The following CR1 variants were observed in gnomAD, a reference collection of about 807,000 sequenced individuals.
CR1 encodes the protein complement C3b/C4b receptor 1 (Knops blood group).
Under a neutral mutation model 187.3 loss-of-function variants are expected in CR1, and 116 were observed. The observed-to-expected ratio is 0.62, with a 90% CI of 0.53 to 0.72. The LOEUF (loss-of-function observed/expected upper bound fraction) is 0.72. CR1 is among the 30% of genes least tolerant of loss of function. The pLI, the probability that CR1 is intolerant of heterozygous loss-of-function variation, is 0.00. For missense variants in CR1, 1,731 were observed against 2,110.7 expected, an observed-to-expected ratio of 0.82 and a Z score of 3.52; for synonymous variants, 576 against 747.1, an observed-to-expected ratio of 0.77 and a Z score of 3.73.
At chr1:207,582,147 A>C in intron 32 of CR1, 144 bp downstream of exon 32, 1 of 498,578 alleles carries the variant, frequency 2.0e-6, no homozygotes, top group Non-Finnish European at 3.6e-6. Flanking sequence ...GATACAAGCA[A>C]TGTTTTGGGG....
In CR1 at chr1:207,588,375, T is replaced by G. The variant is rs374559734; in HGVS notation, c.5711-300T>G. 2.8e-4 allele frequency among the ~76,000 whole-genome samples: 42 copies of G among 152,330 alleles called. 1 individual carries two copies. In the East Asian group the frequency reaches 7.7e-3, roughly 28 times the overall value. On this transcript the variant is annotated intron_variant, in intron 34 of 46. Coordinates refer to ENST00000367049, the MANE Select transcript of CR1 (RefSeq NM_000651.6). ...TAGTAGAGATGGGGTTTTGCCACGTTGGCCAGGCTGGTCTTGAACTCCTGA... is the reference window on the plus strand; with the variant it reads ...TAGTAGAGATGGGGTTTTGCCACGTGGGCCAGGCTGGTCTTGAACTCCTGA...
chr1:207,513,734 T>TCGTC (rs1424825610), intron 4 of CR1, among the ~76,000 whole-genome samples: 35 of 58,260 alleles, frequency 6.0e-4, no homozygotes, highest in Non-Finnish European at 9.8e-4. Flanking sequence ...CTCCCTCCTT[T>TCGTC]CCTCCCTCCC....
chr1:207,629,719 T>C lies in CR1; in HGVS notation c.7353-798T>C, dbSNP rs149132689. On this transcript the variant is annotated intron_variant, in intron 45 of 46. Transcript: ENST00000367049. ...ACATAAAATCTCCAGGTACTGGTAC[T>C]GTTTTATCATTTCATTGATAAAAGA... 3.5e-3 allele frequency among the ~76,000 whole-genome samples: 526 copies of C among 152,332 alleles called. 1 individual carries two copies. The highest frequency in any genetic ancestry group is 5.9e-3 in the Non-Finnish European group (401 of 68,022).
At chr1:207,576,986 C>G (rs1203805598) in intron 28 of CR1, among the ~76,000 whole-genome samples, 6 of 152,200 alleles carry the variant, frequency 3.9e-5, no homozygotes, top group Non-Finnish European at 8.8e-5. Context: ...CACAGTGGCT[C>G]ATGCCTGTAC....
In CR1 at chr1:207,621,958, T is replaced by C. The variant is rs56310124; in HGVS notation, c.7253-15T>C. ...ATGCCAGAGTGATGTTTTGTGACTT[T>C]TGTCTTCCTTTTAGGTACACATGAT... On this transcript the variant is annotated splice_polypyrimidine_tract_variant and intron_variant, in intron 43 of 46. Coordinates refer to ENST00000367049, the MANE Select transcript of CR1 (RefSeq NM_000651.6). The C allele has an allele frequency of 3.1e-6, 5 of 1,593,072 alleles. No individual in the cohort carries two copies. In the African/African-American group the frequency reaches 6.7e-5, roughly 21 times the overall value.
rs540540947 is a variant in CR1, at chr1:207,575,729, T to G, written c.4537+49T>G. ...TTCACCCCACCATTGAATCCTAGAG[T>G]TGTCCTCCTAGAATTACAAAGAATG... On this transcript the variant is annotated intron_variant, in intron 28 of 46. Coordinates refer to ENST00000367049, the MANE Select transcript of CR1 (RefSeq NM_000651.6). 1.9e-6 allele frequency: 3 copies of G among 1,609,918 alleles called. No homozygotes were observed. The South Asian group carries it at 3.3e-5, about 18-fold the overall frequency.
At chr1:207,617,006 G>A (rs749910899) in intron 41 of CR1, among the ~76,000 whole-genome samples, 1 of 152,164 alleles carries the variant, frequency 6.6e-6, no homozygotes, top group Non-Finnish European at 1.5e-5. Context: ...TCCTTCCTAT[G>A]GGGTGAAGAG....
At chr1:207,595,631 C>T (rs867140854) in intron 35 of CR1, among the ~76,000 whole-genome samples, 14 of 151,842 alleles carry the variant, frequency 9.2e-5, no homozygotes, top group Middle Eastern at 3.4e-3. Context: ...ACAGATGCAT[C>T]GTCTTAAATA....
intron 37 of CR1, among the ~76,000 whole-genome samples, chr1:207,611,100 C>A (rs934471845): frequency 1.3e-5 from 2 of 151,800 alleles, no homozygotes; most frequent in Non-Finnish European, 2.9e-5. Flanking sequence ...CCTATCCCCA[C>A]GATTTTGTTC....
intron 40 of CR1, among the ~76,000 whole-genome samples, chr1:207,615,922 A>G (rs1662077244): frequency 6.6e-6 from 1 of 152,238 alleles, no homozygotes; most frequent in Admixed American, 6.5e-5. Flanking sequence ...TCCTAAATTC[A>G]TATCAAACTA....
chr1:207,618,321 A>G (rs1662210474), intron 42 of CR1, 74 bp downstream of exon 42: 1 of 1,356,318 alleles, frequency 7.4e-7, no homozygotes, highest in Admixed American at 2.1e-5. Flanking sequence ...GCTGAGAGAC[A>G]TTGAAATGAG....
chr1:207,611,821 G>A lies in CR1; in HGVS notation c.6440G>A (p.Gly2147Glu), dbSNP rs1661940167. The A allele has an allele frequency of 1.2e-6, 2 of 1,613,980 alleles. No homozygotes were observed. The highest frequency in any genetic ancestry group is 1.3e-5 in the African/African-American group (1 of 75,048). The change falls in exon 38 of 47, where the codon GGA becomes GAA. Residue 2147 changes from glycine to glutamate, a missense_variant. This residue lies in a region of CR1 where 1,312 missense variants were observed against 1,379.6 expected (regional missense o/e 0.95). Transcript: ENST00000367049. ...GAASLHCTPQ[G>E]DWSPEAPRCT... ...GCGTCTCTGCACTGCACGCCCCAGGGAGACTGGAGCCCTGAAGCCCCTAGA... is the reference window on the plus strand; with the variant it reads ...GCGTCTCTGCACTGCACGCCCCAGGAAGACTGGAGCCCTGAAGCCCCTAGA...
At chr1:207,592,788 A>G (rs1297873254) in intron 35 of CR1, among the ~76,000 whole-genome samples, 1 of 152,160 alleles carries the variant, frequency 6.6e-6, no homozygotes, top group African/African-American at 2.4e-5. Context: ...AAGCATTCCT[A>G]TACACCAATA....
intron 41 of CR1, 135 bp downstream of exon 41, chr1:207,616,937 A>G: frequency 7.8e-7 from 1 of 1,276,468 alleles, no homozygotes; most frequent in Non-Finnish European, 1.1e-6. Context: ...CTACCTCCCA[A>G]GTGAATGACA....
At chr1:207,503,613 C>G (rs1189029680) in intron 1 of CR1, among the ~76,000 whole-genome samples, 1 of 152,176 alleles carries the variant, frequency 6.6e-6, no homozygotes, top group East Asian at 1.9e-4. Context: ...CCTCTTGCCT[C>G]CCTTTTATAA....
At chr1:207,568,156 G>T in intron 25 of CR1, 114 bp downstream of exon 25, 1 of 1,573,390 alleles carries the variant, frequency 6.4e-7, no homozygotes, top group South Asian at 1.1e-5. Context: ...TGCCACAATG[G>T]AATGCCAAAC....
At chr1:207,637,316 C>T (rs141206165) in intron 46 of CR1, among the ~76,000 whole-genome samples, 1 of 152,170 alleles carries the variant, frequency 6.6e-6, no homozygotes, top group Non-Finnish European at 1.5e-5. Context: ...TAGAATTGAC[C>T]TCGAGGTGCC....
chr1:207,606,959 T>G (rs1661770319), intron 35 of CR1, among the ~76,000 whole-genome samples: 1 of 152,168 alleles, frequency 6.6e-6, no homozygotes, highest in Non-Finnish European at 1.5e-5. Flanking sequence ...ATAAAATAAC[T>G]GCAAGGTTTC....
Position 207,641,241 on chromosome 1 carries a change from A to C in CR1, c.*1832A>C, listed in dbSNP as rs1662974430. 1 of 152,180 alleles carries C rather than the reference A, an allele frequency of 6.6e-6. No homozygotes were observed. Among genetic ancestry groups the C allele is most frequent in the Non-Finnish European group, 1.5e-5 (1 of 68,034 alleles). 9.4% of individuals were successfully genotyped at this position (152,180 alleles called of 1,614,324 possible). ...ATTGGGAATTGGCCTTTTTAGAATT[A>C]AAATTTCCCATTACAAGAAAAAAAA... On this transcript the variant is annotated 3_prime_UTR_variant, in exon 47 of 47. Transcript: ENST00000367049.
Sources: allele counts gnomAD v4.1 joint callset (sites outside exome capture counted in the v4.1 genomes callset), GRCh38; gene constraint gnomAD v4.1.1; regional missense constraint gnomAD v4.1.1; transcripts MANE v1.5; gene names NCBI Gene and HGNC (gene_info 2026-07-23, HGNC 2026-07-21).